Variants in SPNS3 observed in about 807,000 individuals in gnomAD.
SPNS3 encodes the protein protein spinster homolog 3.
In SPNS3, 51 loss-of-function variants were observed where a neutral mutation model predicts 54.4. The ratio of observed to expected loss-of-function variants is 0.94; its 90% CI spans 0.75 to 1.18. The LOEUF (loss-of-function observed/expected upper bound fraction) is 1.18. Among genes scored for constraint, SPNS3 ranks in the 50% most tolerant of loss-of-function variants. The pLI, the probability that SPNS3 is intolerant of heterozygous loss-of-function variation, is 0.00. For missense variants in SPNS3, 669 were observed against 677.4 expected, an observed-to-expected ratio of 0.99 and a Z score of 0.14; for synonymous variants, 309 against 294.7, an observed-to-expected ratio of 1.05 and a Z score of -0.50.
intron 8 of SPNS3, among the ~76,000 whole-genome samples, chr17:4,471,666 A>G (rs1224544967): frequency 1.3e-5 from 2 of 151,760 alleles, no homozygotes; most frequent in Non-Finnish European, 2.9e-5. Flanking sequence ...GGGTTTCACC[A>G]TGTTTCCCAG....
intron 2 of SPNS3, among the ~76,000 whole-genome samples, chr17:4,439,985 G>C (rs914531467): frequency 6.6e-6 from 1 of 152,156 alleles, no homozygotes; most frequent in Admixed American, 6.6e-5. Context: ...TCAGGTCCTC[G>C]CTGTGGAGCT....
In SPNS3 at chr17:4,477,970, C is replaced by CTTTTTTTTTTTTT. The variant is rs397837193; in HGVS notation, c.1114-595_1114-583dup. Among the ~76,000 whole-genome samples the CTTTTTTTTTTTTT allele has an allele frequency of 7.5e-3, 727 of 97,544 alleles. 36 individuals carry two copies. The highest frequency in any genetic ancestry group is 0.014 in the African/African-American group (311 of 21,896). 64.0% of individuals were successfully genotyped at this position (97,544 alleles called of 152,430 possible). A position where few individuals can be genotyped will look rare whatever the true frequency, so the allele number is the denominator to read the frequency against. On this transcript the variant is annotated intron_variant, in intron 8 of 11. Transcript: ENST00000355530. ...AAAGTCTGTTTTTTTTTCACTTTTC[C>CTTTTTTTTTTTTT]TTTTTTTTTTTTTTTTTTTGAGGCG... is the stretch of plus-strand genomic sequence containing the variant.
intron 8 of SPNS3, among the ~76,000 whole-genome samples, chr17:4,462,686 C>A: frequency 7.5e-6 from 1 of 133,810 alleles, no homozygotes; most frequent in African/African-American, 2.8e-5. Context: ...CCCTCCCACC[C>A]ACCCACCAAT....
chr17:4,467,007 T>C (rs1971693245), intron 8 of SPNS3, among the ~76,000 whole-genome samples: 1 of 151,120 alleles, frequency 6.6e-6, no homozygotes, highest in African/African-American at 2.4e-5. Flanking sequence ...GGTGGAGCCA[T>C]GTGGGTGGGG....
At position 4,486,996 on chromosome 17, in the gene SPNS3, G is replaced by A. The variant is rs560212745; in HGVS notation, c.1450+413G>A. On this transcript the variant is annotated intron_variant, in intron 11 of 11. Coordinates refer to ENST00000355530, the MANE Select transcript of SPNS3 (RefSeq NM_182538.5). The surrounding 1 kb of genome is among the most constrained non-coding windows in gnomAD (Gnocchi z 5.5). Reference sequence around the variant, plus strand: ...AGACCAGCCTGGGCAACATGGTGAAGCCCTGTCTCTACTAAAAATATAAAA... The same window carrying A: ...AGACCAGCCTGGGCAACATGGTGAAACCCTGTCTCTACTAAAAATATAAAA... Among the ~76,000 whole-genome samples, 128 of 151,880 alleles carry A rather than the reference G, an allele frequency of 8.4e-4. No homozygotes were observed. The highest frequency in any genetic ancestry group is 2.0e-3 in the Admixed American group (31 of 15,256).
At chr17:4,480,278 ACATGGCC>A (rs1356611809) in intron 9 of SPNS3, among the ~76,000 whole-genome samples, 1 of 152,194 alleles carries the variant, frequency 6.6e-6, no homozygotes, top group Non-Finnish European at 1.5e-5. Flanking sequence ...CAGACCTGCT[ACATGGCC>A]CTGGGCCTCA....
chr17:4,439,750 C>T (rs774542524), intron 2 of SPNS3, 27 bp downstream of exon 2: 71 of 1,598,638 alleles, frequency 4.4e-5, no homozygotes, highest in Non-Finnish European at 5.2e-5. Context: ...GCTCTGGAGC[C>T]GGGGCCCTGG....
Position 4,439,698 on chromosome 17 carries a change from C to A in SPNS3, c.240C>A (p.Asp80Glu), listed in dbSNP as rs749910472. ...TACAGGAGGTTTTCCAGATCAGTGA[C>A]AACCATGCTGGTTTGCTTCAGACTG... ...LDIQEVFQISDNHAGLLQTVF... is the reference protein window; with the variant it reads ...LDIQEVFQISENHAGLLQTVF... Residue 80 changes from aspartate (D) to glutamate (E), a missense_variant, in exon 2 of 12, where the codon GAC becomes GAA. Asp to Glu is a conservative substitution (Grantham distance 45). Transcript: ENST00000355530. 1.9e-5 allele frequency: 31 copies of A among 1,613,376 alleles called. No individual in the cohort carries two copies. In the South Asian group the frequency reaches 2.8e-4, roughly 14 times the overall value.
intron 8 of SPNS3, among the ~76,000 whole-genome samples, chr17:4,460,502 G>A (rs1018590271): frequency 3.4e-5 from 5 of 148,790 alleles, no homozygotes; most frequent in Non-Finnish European, 7.4e-5. Context: ...CGTGATCTCG[G>A]CTCACTGCAA....
intron 4 of SPNS3, chr17:4,446,631 G>A: frequency 1.8e-6 from 1 of 568,604 alleles, no homozygotes; most frequent in Non-Finnish European, 3.2e-6. Flanking sequence ...CCCAGCCTTG[G>A]GCAGGAGGGT....
At chr17:4,468,714 C>CCCTTTCTTT in intron 8 of SPNS3, among the ~76,000 whole-genome samples, 1 of 79,004 alleles carries the variant, frequency 1.3e-5, no homozygotes, top group Non-Finnish European at 3.1e-5. Flanking sequence ...ATTTCTCTCT[C>CCCTTTCTTT]TCTTTCTTTT....
intron 9 of SPNS3, chr17:4,482,078 G>A (rs184568): frequency 0.48 from 72,465 of 151,134 alleles, 17,209 homozygotes; most frequent in Admixed American, 0.5. Flanking sequence ...TAGTAGAGAC[G>A]GGGTTCACCA....
chr17:4,460,001 G>A (rs1971453265), intron 8 of SPNS3, among the ~76,000 whole-genome samples: 1 of 152,134 alleles, frequency 6.6e-6, no homozygotes, highest in Non-Finnish European at 1.5e-5. Flanking sequence ...GGTAGTTGTT[G>A]AATAAAGACC....
intron 8 of SPNS3, among the ~76,000 whole-genome samples, chr17:4,456,088 A>T (rs1450606254): frequency 1.3e-5 from 2 of 152,074 alleles, no homozygotes; most frequent in African/African-American, 4.8e-5. Flanking sequence ...AACAACTGGG[A>T]CTACAGGCGT....
chr17:4,472,739 C>T (rs1269776310), intron 8 of SPNS3, among the ~76,000 whole-genome samples: 1 of 128,438 alleles, frequency 7.8e-6, no homozygotes, highest in African/African-American at 3.0e-5. Context: ...GTATTACTCT[C>T]TTCTACAGAA....
At chr17:4,444,679 G>A (rs572368369) in intron 2 of SPNS3, among the ~76,000 whole-genome samples, 1 of 152,202 alleles carries the variant, frequency 6.6e-6, no homozygotes, top group East Asian at 1.9e-4. Flanking sequence ...TGTTTGTAAA[G>A]CCGGGAAACT....
At chr17:4,469,770 T>C (rs770874412) in intron 8 of SPNS3, among the ~76,000 whole-genome samples, 16 of 152,102 alleles carry the variant, frequency 1.1e-4, no homozygotes, top group South Asian at 2.1e-4. Flanking sequence ...GCATTCCACA[T>C]GTCAGTCAAG....
intron 8 of SPNS3, among the ~76,000 whole-genome samples, chr17:4,471,222 CCA>C (rs1971846234): frequency 1.3e-5 from 2 of 151,380 alleles, no homozygotes; most frequent in South Asian, 4.2e-4. Flanking sequence ...CTGTGCCTGG[CCA>C]CAGTCTGCTC....
chr17:4,441,806 G>T (rs1357974780), intron 2 of SPNS3, among the ~76,000 whole-genome samples: 1 of 150,394 alleles, frequency 6.6e-6, no homozygotes, highest in Admixed American at 6.7e-5. Context: ...TGTTGGGGGG[G>T]GTCTCACCAT....
Sources: gnomAD v4.1 joint callset for allele counts (sites outside exome capture counted in the v4.1 genomes callset) on GRCh38, gnomAD v4.1.1 for gene constraint, Gnocchi (gnomAD v3.1) non-coding constraint, MANE v1.5 for transcripts, NCBI Gene and HGNC (gene_info 2026-07-23, HGNC 2026-07-21) for gene names.